MYOZ2: variants seen among roughly 807,000 people sequenced by gnomAD.
The protein encoded by MYOZ2 is myozenin 2, also known as myozenin-2.
MYOZ2 carries 19 observed loss-of-function variants against 25.4 expected under a neutral mutation model. That is an observed-to-expected ratio of 0.75 (90% CI 0.52 to 1.10). The LOEUF (loss-of-function observed/expected upper bound fraction) is 1.10. MYOZ2 is among the 50% of genes least tolerant of loss of function. The pLI, the probability that MYOZ2 is intolerant of heterozygous loss-of-function variation, is 0.00. For synonymous variants in MYOZ2, 92 were observed against 106.9 expected (o/e 0.86, Z 0.86); for missense variants, 270 against 317.9 (o/e 0.85, Z 1.15).
chr4:119,161,974 T>C (rs1401060026), intron 4 of MYOZ2, among the ~76,000 whole-genome samples: 1 of 152,130 alleles, frequency 6.6e-6, no homozygotes, highest in East Asian at 1.9e-4. Context: ...TTTTTAAAGG[T>C]CTTACCTCTG....
At chr4:119,147,253 G>T (rs1243254404) in intron 2 of MYOZ2, among the ~76,000 whole-genome samples, 1 of 150,836 alleles carries the variant, frequency 6.6e-6, no homozygotes, top group Admixed American at 6.6e-5. Flanking sequence ...TTTTCTATTT[G>T]TCATCTCTGT....
chr4:119,143,098 A>G (rs1412179215), intron 2 of MYOZ2, among the ~76,000 whole-genome samples: 1 of 152,164 alleles, frequency 6.6e-6, no homozygotes, highest in African/African-American at 2.4e-5. Flanking sequence ...ATAAGGTCAC[A>G]AATCCCACCC....
In MYOZ2 at chr4:119,136,561, A is replaced by G. The variant is rs775592981; in HGVS notation, c.36A>G (p.Lys12=). The G allele has an allele frequency of 6.2e-7, 1 of 1,613,698 alleles. No individual in the cohort carries two copies. Among genetic ancestry groups the G allele is most frequent in the South Asian group, 1.1e-5 (1 of 91,068 alleles). Residue 12 remains lysine (K), a synonymous_variant, in exon 2 of 6, where the codon AAA becomes AAG. Coordinates refer to ENST00000307128, the MANE Select transcript of MYOZ2 (RefSeq NM_016599.5). ...ATAATACTATGATGAAGCAGAGAAA[A>G]CAGCAAGCAACAGCCATCATGAAGG... ...LSHNTMMKQR[K]QQATAIMKEV... is the part of the protein sequence containing the mutation.
intron 2 of MYOZ2, among the ~76,000 whole-genome samples, chr4:119,144,592 C>T (rs1741245138): frequency 6.6e-6 from 1 of 152,172 alleles, no homozygotes; most frequent in Admixed American, 6.5e-5. Context: ...AGTTTCTCCA[C>T]ATCCTCACCA....
At chr4:119,185,654 T>C (rs891580960) in intron 5 of MYOZ2, among the ~76,000 whole-genome samples, 1 of 152,178 alleles carries the variant, frequency 6.6e-6, no homozygotes, top group Non-Finnish European at 1.5e-5. Context: ...TTGGTAAAAG[T>C]ACAAAGGCAA....
At chr4:119,139,322 A>G (rs1347923920) in intron 2 of MYOZ2, among the ~76,000 whole-genome samples, 1 of 152,170 alleles carries the variant, frequency 6.6e-6, no homozygotes, top group Non-Finnish European at 1.5e-5. Flanking sequence ...TGTGCTTTAT[A>G]TAAAAGTATC....
chr4:119,155,733 A>C (rs997366742), intron 3 of MYOZ2, among the ~76,000 whole-genome samples: 1 of 152,178 alleles, frequency 6.6e-6, no homozygotes, highest in Non-Finnish European at 1.5e-5. Flanking sequence ...AACAATTTCT[A>C]AAGATTGGAG....
intron 2 of MYOZ2, among the ~76,000 whole-genome samples, chr4:119,138,656 T>A (rs1351146198): frequency 6.6e-6 from 1 of 152,200 alleles, no homozygotes; most frequent in Non-Finnish European, 1.5e-5. Flanking sequence ...TAAAGATAAA[T>A]TGAAAAGGAT....
intron 5 of MYOZ2, among the ~76,000 whole-genome samples, chr4:119,177,482 C>T (rs910807266): frequency 6.6e-6 from 1 of 152,020 alleles, no homozygotes; most frequent in African/African-American, 2.4e-5. Context: ...TTGAATTGTC[C>T]TAGAAGACAA....
At chr4:119,177,427 C>G (rs986425591) in intron 5 of MYOZ2, among the ~76,000 whole-genome samples, 1 of 152,154 alleles carries the variant, frequency 6.6e-6, no homozygotes, top group Non-Finnish European at 1.5e-5. Context: ...CAAATTCGGT[C>G]TGTGAAGACA....
At chr4:119,158,973 T>C (rs1292714555) in intron 4 of MYOZ2, among the ~76,000 whole-genome samples, 1 of 152,180 alleles carries the variant, frequency 6.6e-6, no homozygotes, top group Non-Finnish European at 1.5e-5. Flanking sequence ...GGATTGTTTA[T>C]AACATAAAGA....
intron 5 of MYOZ2, among the ~76,000 whole-genome samples, chr4:119,174,201 C>T (rs984258419): frequency 2.6e-5 from 4 of 152,232 alleles, no homozygotes; most frequent in Non-Finnish European, 4.4e-5. Context: ...CAGGCAGCTC[C>T]ACCTGCAGCC....
intron 4 of MYOZ2, among the ~76,000 whole-genome samples, chr4:119,160,873 T>C (rs902117793): frequency 6.6e-6 from 1 of 151,994 alleles, no homozygotes; most frequent in African/African-American, 2.4e-5. Flanking sequence ...TTGGAAGTAT[T>C]CAATATCCTC....
chr4:119,161,969 A>G (rs1210798119), intron 4 of MYOZ2, among the ~76,000 whole-genome samples: 1 of 152,168 alleles, frequency 6.6e-6, no homozygotes, highest in African/African-American at 2.4e-5. Flanking sequence ...TCCAGTTTTT[A>G]AAGGTCTTAC....
At chr4:119,171,858 A>G (rs972477877) in intron 5 of MYOZ2, among the ~76,000 whole-genome samples, 1 of 151,832 alleles carries the variant, frequency 6.6e-6, no homozygotes, top group Admixed American at 6.6e-5. Flanking sequence ...ACAAAAAAAC[A>G]GAAGAAAGAG....
intron 2 of MYOZ2, among the ~76,000 whole-genome samples, chr4:119,141,601 C>G (rs1032495676): frequency 2.0e-5 from 3 of 152,146 alleles, no homozygotes; most frequent in African/African-American, 7.2e-5. Flanking sequence ...GGGCTGATCT[C>G]AAACTCCTGA....
intron 3 of MYOZ2, among the ~76,000 whole-genome samples, chr4:119,153,619 A>G (rs1326449195): frequency 6.6e-6 from 1 of 152,162 alleles, no homozygotes; most frequent in African/African-American, 2.4e-5. Context: ...AATTTAACTC[A>G]GCTTTATATA....
intron 5 of MYOZ2, among the ~76,000 whole-genome samples, chr4:119,175,546 G>C (rs1030601749): frequency 6.6e-6 from 1 of 152,050 alleles, no homozygotes; most frequent in Non-Finnish European, 1.5e-5. Flanking sequence ...GGGGTTAGGA[G>C]TTCGAGACCA....
intron 3 of MYOZ2, among the ~76,000 whole-genome samples, chr4:119,152,776 A>G (rs1741482729): frequency 1.3e-5 from 2 of 152,178 alleles, no homozygotes; most frequent in African/African-American, 4.8e-5. Flanking sequence ...TAATATATGC[A>G]ATAAAGTCAT....
Sources: gnomAD v4.1 joint callset for allele counts (sites outside exome capture counted in the v4.1 genomes callset) on GRCh38, gnomAD v4.1.1 for gene constraint, MANE v1.5 for transcripts, NCBI Gene and HGNC (gene_info 2026-07-23, HGNC 2026-07-21) for gene names.